Variants in KAZN observed in about 807,000 individuals in gnomAD.
KAZN encodes the protein kazrin, periplakin interacting protein.
KAZN carries 40 observed loss-of-function variants against 87.4 expected under a neutral mutation model. The observed-to-expected ratio is 0.46, with a 90% CI of 0.36 to 0.60. The LOEUF (loss-of-function observed/expected upper bound fraction) is 0.60, where lower values mean the gene tolerates loss of function less well. Among genes scored for constraint, KAZN ranks in the 20% least tolerant of loss-of-function variants. The probability of loss-of-function intolerance (pLI) is 0.00; values close to 1 mark genes in which losing one functional copy is unlikely to be tolerated. For missense variants in KAZN, 898 were observed against 1,073.9 expected (o/e 0.84, Z 2.29); for synonymous variants, 466 against 458.3 (o/e 1.02, Z -0.22).
At chr1:14,203,028 A>G (rs1646671480) in intron 2 of KAZN, among the ~76,000 whole-genome samples, 1 of 152,072 alleles carries the variant, frequency 6.6e-6, no homozygotes, top group Admixed American at 6.6e-5. Flanking sequence ...AAAAATCATC[A>G]TAGATAGGAA....
chr1:15,060,660 A>G, intron 6 of KAZN: 1 of 254,984 alleles, frequency 3.9e-6, no homozygotes, highest in East Asian at 8.2e-5. Flanking sequence ...GCACCTCCTC[A>G]TTTCCCTTTA....
At chr1:14,437,681 G>A (rs371004633) in intron 2 of KAZN, among the ~76,000 whole-genome samples, 7 of 152,126 alleles carry the variant, frequency 4.6e-5, no homozygotes, top group Non-Finnish European at 2.9e-5. Flanking sequence ...AGCTGCAGTC[G>A]CTGCAGCCCG....
At chr1:14,778,413 A>C (rs377518637) in intron 1 of KAZN, among the ~76,000 whole-genome samples, 9 of 135,746 alleles carry the variant, frequency 6.6e-5, no homozygotes, top group Non-Finnish European at 9.6e-5. Flanking sequence ...AAAAAAAAAA[A>C]CCCACATCCA....
At chr1:14,529,021 C>T (rs559905441) in intron 2 of KAZN, among the ~76,000 whole-genome samples, 4 of 152,106 alleles carry the variant, frequency 2.6e-5, no homozygotes, top group East Asian at 1.9e-4. Flanking sequence ...AATTGTCTTT[C>T]GGCCCGGCGC....
At chr1:13,990,689 C>T (rs954845363) in intron 1 of KAZN, among the ~76,000 whole-genome samples, 7 of 151,970 alleles carry the variant, frequency 4.6e-5, no homozygotes, top group African/African-American at 1.7e-4. Flanking sequence ...CATTTTACCT[C>T]AAAAGAAAAA....
chr1:14,395,043 TG>T (rs1287689167), intron 2 of KAZN, among the ~76,000 whole-genome samples: 1 of 151,966 alleles, frequency 6.6e-6, no homozygotes, highest in African/African-American at 2.4e-5. Context: ...GCACAGGCCC[TG>T]GTACAGAATA....
rs181850274 is a variant in KAZN at position 14,881,337 on chromosome 1, C to T, written c.227-79347C>T. Among the ~76,000 whole-genome samples, 71 of 152,280 alleles carry T rather than the reference C, an allele frequency of 4.7e-4. 1 individual carries two copies. The highest frequency in any genetic ancestry group is 4.4e-3 in the South Asian group (21 of 4,826). The stretch of plus-strand genomic sequence containing the variant: ...CAAAACTGGTAGGTGCAGAAACAGG[C>T]AGTAACAAATGCCATTGGCATGTGA... On this transcript the variant is annotated intron_variant, in intron 1 of 14. Transcript: ENST00000376030.
chr1:14,663,091 C>T lies in KAZN; in HGVS notation c.226+63868C>T, dbSNP rs1374148411. ...GCTCAAGCGATCTTCCTACCTCAGCCTCCTGAGCAGCTGGAACAGCAGGCG... is the reference window on the plus strand; with the variant it reads ...GCTCAAGCGATCTTCCTACCTCAGCTTCCTGAGCAGCTGGAACAGCAGGCG... On this transcript the variant is annotated intron_variant, in intron 1 of 14. Coordinates refer to ENST00000376030, the MANE Select transcript of KAZN (RefSeq NM_201628.3). Among the ~76,000 whole-genome samples, 3 of 151,894 alleles carry T rather than the reference C, an allele frequency of 2.0e-5. No individual in the cohort carries two copies. In the East Asian group the frequency reaches 5.8e-4, roughly 29 times the overall value.
rs11800511 is a variant in KAZN, at chr1:14,095,889, A to G, written c.92-84546A>G. Among the ~76,000 whole-genome samples, 1,249 of 152,292 alleles carry G rather than the reference A, an allele frequency of 8.2e-3. 13 individuals carry two copies. Among genetic ancestry groups the G allele is most frequent in the African/African-American group, 0.028 (1,164 of 41,550 alleles). On this transcript the variant is annotated intron_variant, in intron 1 of 16. Transcript: ENST00000636203. ...CCACCTAGATTCAGAAGGATGGGAC[A>G]TAGACTCCGTCCTGTAATGGCAAGA...
chr1:14,592,934 A>T (rs527322950), intron 2 of KAZN, among the ~76,000 whole-genome samples: 2 of 152,294 alleles, frequency 1.3e-5, no homozygotes, highest in South Asian at 4.1e-4. Context: ...GATGCTTCTG[A>T]TAGGATAGGA....
At chr1:14,623,099 C>A (rs1238514256) in intron 1 of KAZN, among the ~76,000 whole-genome samples, 1 of 152,106 alleles carries the variant, frequency 6.6e-6, no homozygotes, top group African/African-American at 2.4e-5. Flanking sequence ...ACCCAGCAAT[C>A]CCATTATTAT....
chr1:14,252,022 G>C (rs935991578), intron 2 of KAZN, among the ~76,000 whole-genome samples: 2 of 152,106 alleles, frequency 1.3e-5, no homozygotes, highest in African/African-American at 4.8e-5. Flanking sequence ...GGCCAGGAAA[G>C]GGGGACACTG....
intron 1 of KAZN, among the ~76,000 whole-genome samples, chr1:14,835,780 C>T (rs1647218777): frequency 6.6e-6 from 1 of 152,092 alleles, no homozygotes; most frequent in South Asian, 2.1e-4. Flanking sequence ...TGGACTCTTT[C>T]CCTGGCTCCT....
intron 1 of KAZN, among the ~76,000 whole-genome samples, chr1:14,019,467 C>T (rs1640725520): frequency 6.6e-6 from 1 of 152,192 alleles, no homozygotes; most frequent in Non-Finnish European, 1.5e-5. Flanking sequence ...TTCTTCTTTG[C>T]TAGTTATCCC....
intron 1 of KAZN, among the ~76,000 whole-genome samples, chr1:13,997,270 A>G (rs2359903): frequency 0.14 from 20,696 of 152,104 alleles, 1,527 homozygotes; most frequent in Middle Eastern, 0.22. Context: ...ATGAGAAAGA[A>G]TCAATGAAAA....
chr1:14,498,742 G>A (rs1029272261), intron 2 of KAZN, among the ~76,000 whole-genome samples: 1 of 151,816 alleles, frequency 6.6e-6, no homozygotes, highest in Non-Finnish European at 1.5e-5. Flanking sequence ...GAGAGTGGAG[G>A]GTGGGAAGAG....
At chr1:14,108,982 G>A (rs376616024) in intron 1 of KAZN, among the ~76,000 whole-genome samples, 87 of 152,312 alleles carry the variant, frequency 5.7e-4, no homozygotes, top group African/African-American at 2.0e-3. Flanking sequence ...GTGTTTCACA[G>A]CCAGGACTCA....
intron 1 of KAZN, among the ~76,000 whole-genome samples, chr1:14,172,195 T>A (rs1347157953): frequency 6.6e-6 from 1 of 152,170 alleles, no homozygotes; most frequent in Non-Finnish European, 1.5e-5. Flanking sequence ...TAAACTCAGG[T>A]AGGTAAGAAA....
At chr1:14,175,900 G>A (rs1646063581) in intron 1 of KAZN, among the ~76,000 whole-genome samples, 2 of 152,146 alleles carry the variant, frequency 1.3e-5, no homozygotes, top group Non-Finnish European at 2.9e-5. Flanking sequence ...AAGATTTGTC[G>A]TAGACCATGG....
Sources: gnomAD v4.1 joint callset for allele counts (sites outside exome capture counted in the v4.1 genomes callset) on GRCh38, gnomAD v4.1.1 for gene constraint, MANE v1.5 for transcripts, NCBI Gene and HGNC (gene_info 2026-07-23, HGNC 2026-07-21) for gene names.